Variants in RAB9A observed in about 807,000 individuals in gnomAD.
RAB9A encodes ras-related protein Rab-9A.
A neutral mutation model predicts 10.3 loss-of-function variants in RAB9A; 1 was observed. The ratio of observed to expected loss-of-function variants is 0.10; its 90% confidence interval spans 0.03 to 0.46. RAB9A has a LOEUF of 0.46. Among genes scored for constraint, RAB9A ranks in the 20% least tolerant of loss-of-function variants. The probability of loss-of-function intolerance (pLI) is 0.96; values close to 1 mark genes in which losing one functional copy is unlikely to be tolerated. For missense variants in RAB9A, 92 were observed against 150.3 expected (o/e 0.61, Z 2.03); for synonymous variants, 39 against 55.2 (o/e 0.71, Z 1.30).
At chrX:13,689,507 TCA>T (rs1391108458) in intron 1 of RAB9A, among the ~76,000 whole-genome samples, 1 of 111,634 alleles carries the variant, frequency 9.0e-6, no homozygotes, top group Non-Finnish European at 1.9e-5. Context: ...GGAGAGGGAC[TCA>T]CAGAAACACA....
At chrX:13,697,526 CAAA>C (rs201868801) in intron 1 of RAB9A, among the ~76,000 whole-genome samples, 1 of 109,864 alleles carries the variant, frequency 9.1e-6, no homozygotes, top group Non-Finnish European at 1.9e-5. Flanking sequence ...TTAAGCAAAA[CAAA>C]AAAAAATTAT....
chrX:13,691,595 G>C (rs1257681014), intron 1 of RAB9A, among the ~76,000 whole-genome samples: 1 of 100,268 alleles, frequency 1.0e-5, no homozygotes, highest in Non-Finnish European at 2.0e-5. Context: ...GGGAGGCAGA[G>C]GTTGCAGTGA....
chrX:13,705,415 A>G (rs2046193004), intron 2 of RAB9A, among the ~76,000 whole-genome samples: 1 of 112,073 alleles, frequency 8.9e-6, no homozygotes, highest in Admixed American at 9.5e-5. Context: ...GTGGGCTGGC[A>G]TACCCCAAAT....
rs191117550 is a variant in RAB9A, at chrX:13,710,187, T to C, written c.*835T>C. The C allele has an allele frequency of 1.6e-5, 2 of 124,148 alleles. No homozygotes were observed. The highest frequency in any genetic ancestry group is 5.5e-4 in the East Asian group (2 of 3,619). 10.2% of individuals were successfully genotyped at this position (124,148 alleles called of 1,213,427 possible). On this transcript the variant is annotated 3_prime_UTR_variant, in exon 3 of 3. Transcript: ENST00000464506. Reference sequence around the variant, plus strand: ...AATGTACTGTGTGGAAGATACAAAATTACAATTCGATTAATGGACTAAATA... The same window carrying C: ...AATGTACTGTGTGGAAGATACAAAACTACAATTCGATTAATGGACTAAATA...
intron 2 of RAB9A, among the ~76,000 whole-genome samples, chrX:13,707,570 C>G (rs147237000): frequency 0.014 from 1,605 of 111,898 alleles, 30 homozygotes; most frequent in African/African-American, 0.049. Flanking sequence ...AAATCTCACC[C>G]CCCACAGGCT....
At chrX:13,690,178 A>G (rs1272695601) in intron 1 of RAB9A, among the ~76,000 whole-genome samples, 2 of 112,041 alleles carry the variant, frequency 1.8e-5, no homozygotes, top group African/African-American at 3.2e-5. Flanking sequence ...AAATCCCTAC[A>G]TTGCCTGTAC....
Position 13,708,763 on chromosome X carries a change from C to T in RAB9A, c.17C>T (p.Ser6Leu). 8.4e-7 allele frequency: 1 copy of T among 1,183,666 alleles called. No individual in the cohort carries two copies. Among genetic ancestry groups the T allele is most frequent in the South Asian group, 1.9e-5 (1 of 52,247 alleles). The change falls in exon 3 of 3, where the codon TCA becomes TTA. Residue 6 changes from serine (S) to leucine (L), a missense_variant. Ser to Leu is a moderately radical substitution (Grantham distance 145). Coordinates refer to ENST00000464506, the MANE Select transcript of RAB9A (RefSeq NM_004251.5). ...AGATTAACAATGGCAGGAAAATCAT[C>T]ACTTTTTAAAGTAATTCTCCTTGGA... MAGKS[S>L]LFKVILLGDG...
intron 1 of RAB9A, among the ~76,000 whole-genome samples, chrX:13,690,429 T>A (rs2046115563): frequency 8.9e-6 from 1 of 112,284 alleles, no homozygotes; most frequent in African/African-American, 3.2e-5. Flanking sequence ...ACTACAAAGT[T>A]TCTCTTCTGG....
intron 1 of RAB9A, among the ~76,000 whole-genome samples, chrX:13,703,572 C>T (rs1009604678): frequency 8.9e-6 from 1 of 112,043 alleles, no homozygotes; most frequent in Admixed American, 9.5e-5. Context: ...TGGTTGAAAC[C>T]TTTGGTTCAG....
At chrX:13,693,982 A>C (rs774357799) in intron 1 of RAB9A, among the ~76,000 whole-genome samples, 15 of 111,897 alleles carry the variant, frequency 1.3e-4, no homozygotes, top group Non-Finnish European at 2.6e-4. Flanking sequence ...AACTGGACAC[A>C]TTCATTTCAT....
intron 1 of RAB9A, among the ~76,000 whole-genome samples, chrX:13,693,769 A>G (rs2046136122): frequency 1.8e-5 from 2 of 111,300 alleles, no homozygotes; most frequent in Admixed American, 1.9e-4. Flanking sequence ...AGGTGGAGAG[A>G]GACTGGGTGT....
At chrX:13,693,117 A>G (rs2046133087) in intron 1 of RAB9A, among the ~76,000 whole-genome samples, 1 of 112,318 alleles carries the variant, frequency 8.9e-6, no homozygotes, top group Non-Finnish European at 1.9e-5. Context: ...CTAGGAGATT[A>G]TATGTCACAA....
At chrX:13,703,924 G>C (rs1366499739) in intron 2 of RAB9A, 22 bp downstream of exon 2, 6 of 112,179 alleles carry the variant, frequency 5.3e-5, no homozygotes, top group African/African-American at 1.9e-4. Context: ...TGTCACTGTT[G>C]TTCCCATGAG....
In RAB9A at chrX:13,699,458, C is replaced by T. The variant is rs2046162873; in HGVS notation, c.-115-4356C>T. On this transcript the variant is annotated intron_variant, in intron 1 of 2. Transcript: ENST00000464506. ...CAAAAAAGGGACAAGTGAATGGATG[C>T]AATTAGGTGTTGTGTGTCCCTCCCA... 3.6e-5 allele frequency among the ~76,000 whole-genome samples: 4 copies of T among 112,466 alleles called. No individual in the cohort carries two copies. The Admixed American group carries it at 3.8e-4, about 11-fold the overall frequency.
At chrX:13,704,723 T>C (rs2046190242) in intron 2 of RAB9A, among the ~76,000 whole-genome samples, 1 of 109,811 alleles carries the variant, frequency 9.1e-6, no homozygotes, top group Non-Finnish European at 1.9e-5. Context: ...CAAGTAATTC[T>C]CATGCCTCCG....
intron 1 of RAB9A, among the ~76,000 whole-genome samples, chrX:13,694,143 A>G (rs1486822741): frequency 9.0e-6 from 1 of 111,031 alleles, no homozygotes; most frequent in African/African-American, 3.3e-5. Context: ...TGCCCATAAG[A>G]CTGTCTATGT....
At chrX:13,706,745 T>C (rs2046199361) in intron 2 of RAB9A, among the ~76,000 whole-genome samples, 1 of 110,545 alleles carries the variant, frequency 9.0e-6, no homozygotes, top group African/African-American at 3.3e-5. Flanking sequence ...GACTAAGGTA[T>C]GTCCCATCAT....
At chrX:13,695,637 G>A (rs969732740) in intron 1 of RAB9A, among the ~76,000 whole-genome samples, 5 of 112,200 alleles carry the variant, frequency 4.5e-5, no homozygotes, top group East Asian at 2.8e-4. Flanking sequence ...AGAGATTTTC[G>A]AAATGGAGAA....
intron 1 of RAB9A, among the ~76,000 whole-genome samples, chrX:13,701,552 T>C (rs909913222): frequency 3.6e-5 from 4 of 111,537 alleles, no homozygotes; most frequent in Non-Finnish European, 7.5e-5. Flanking sequence ...ATAGTACACA[T>C]CCATGTAATG....
Sources: allele counts gnomAD v4.1 joint callset (sites outside exome capture counted in the v4.1 genomes callset), GRCh38; gene constraint gnomAD v4.1.1; transcripts MANE v1.5; gene names NCBI Gene and HGNC (gene_info 2026-07-23, HGNC 2026-07-21).